Variants in CTNNA2 observed in about 807,000 individuals in gnomAD.
CTNNA2 encodes catenin alpha-2.
CTNNA2 carries 42 observed loss-of-function variants against 101.0 expected under a neutral mutation model. The ratio of observed to expected loss-of-function variants is 0.42; its 90% confidence interval spans 0.32 to 0.54. CTNNA2 has a LOEUF of 0.54. Among genes scored for constraint, CTNNA2 ranks in the 20% least tolerant of loss-of-function variants. The pLI is 0.14. For synonymous variants in CTNNA2, 450 were observed against 456.4 expected (o/e 0.99, Z 0.18); for missense variants, 871 against 1,223.1 (o/e 0.71, Z 4.29).
At chr2:79,378,141 T>G (rs1677999896) in intron 4 of CTNNA2, among the ~76,000 whole-genome samples, 1 of 152,144 alleles carries the variant, frequency 6.6e-6, no homozygotes, top group Non-Finnish European at 1.5e-5. Flanking sequence ...TGATGACTAT[T>G]GTATACATGC....
intron 1 of CTNNA2, chr2:79,523,433 C>T: frequency 1.1e-5 from 2 of 186,964 alleles, no homozygotes; most frequent in Non-Finnish European, 1.1e-5. Context: ...AACATATACA[C>T]CATTGTTTTT....
chr2:79,979,443 C>A (rs1691103007), intron 7 of CTNNA2, among the ~76,000 whole-genome samples: 1 of 152,048 alleles, frequency 6.6e-6, no homozygotes, highest in African/African-American at 2.4e-5. Context: ...TTTAGAACAT[C>A]ATTTCGGTGT....
At chr2:79,609,522 G>A (rs1678127709) in intron 1 of CTNNA2, among the ~76,000 whole-genome samples, 1 of 152,016 alleles carries the variant, frequency 6.6e-6, no homozygotes, top group African/African-American at 2.4e-5. Flanking sequence ...GTATGTTGGA[G>A]GACTAACAGT....
intron 4 of CTNNA2, among the ~76,000 whole-genome samples, chr2:79,381,327 A>C (rs569735226): frequency 2.8e-4 from 42 of 152,288 alleles, no homozygotes; most frequent in Admixed American, 9.2e-4. Context: ...CAAATCTCCT[A>C]GGTTTCAGGA....
chr2:80,060,736 A>G (rs949062864), intron 7 of CTNNA2, among the ~76,000 whole-genome samples: 4 of 152,138 alleles, frequency 2.6e-5, no homozygotes, highest in Non-Finnish European at 2.9e-5. Context: ...TCCAACAAGA[A>G]GACAGTGGAT....
chr2:79,996,183 C>G (rs763874368), intron 7 of CTNNA2, among the ~76,000 whole-genome samples: 3 of 152,166 alleles, frequency 2.0e-5, no homozygotes, highest in African/African-American at 7.2e-5. Flanking sequence ...AAGTCAGAAG[C>G]ATATGCTATA....
chr2:80,606,412 ACCCC>A (rs1553407272), intron 16 of CTNNA2, among the ~76,000 whole-genome samples: 1 of 48,652 alleles, frequency 2.1e-5, no homozygotes, highest in African/African-American at 1.2e-4. Flanking sequence ...ACACACACAC[ACCCC>A]CCAGGATACA....
chr2:79,714,612 CT>C (rs34291431), intron 2 of CTNNA2, among the ~76,000 whole-genome samples: 18,606 of 151,986 alleles, frequency 0.12, 1,551 homozygotes, highest in African/African-American at 0.24. Flanking sequence ...CAAACCATCA[CT>C]GTTAGGGGCC....
chr2:80,132,341 A>G (rs1414919469), intron 7 of CTNNA2, among the ~76,000 whole-genome samples: 1 of 152,084 alleles, frequency 6.6e-6, no homozygotes, highest in Non-Finnish European at 1.5e-5. Context: ...TAGAGACAAG[A>G]CTGGTCTCCA....
chr2:79,755,443 T>C lies in CTNNA2; in HGVS notation c.298+10861T>C, dbSNP rs561196855. Among the ~76,000 whole-genome samples, 3 of 152,330 alleles carry C rather than the reference T, an allele frequency of 2.0e-5. No individual in the cohort carries two copies. In the South Asian group the frequency reaches 6.2e-4, roughly 32 times the overall value. Reference sequence around the variant, plus strand: ...TCTATGAGTGCAGCTGAGCTAGAGATCTGATGGTGCTCCACTATGGCCATA... The same window carrying C: ...TCTATGAGTGCAGCTGAGCTAGAGACCTGATGGTGCTCCACTATGGCCATA... On this transcript the variant is annotated intron_variant, in intron 3 of 18. Coordinates refer to ENST00000402739, the MANE Select transcript of CTNNA2 (RefSeq NM_001282597.3).
intron 4 of CTNNA2, among the ~76,000 whole-genome samples, chr2:79,436,401 G>A (rs759683050): frequency 5.9e-5 from 9 of 152,122 alleles, no homozygotes; most frequent in South Asian, 2.1e-4. Context: ...GGCTGACTTC[G>A]CTTGGCTAAA....
intron 7 of CTNNA2, among the ~76,000 whole-genome samples, chr2:79,960,802 G>A (rs76646866): frequency 0.091 from 13,777 of 152,120 alleles, 839 homozygotes; most frequent in East Asian, 0.25. Context: ...TGACTGGAGC[G>A]ATAAGCAAGG....
At chr2:79,859,193 GTCCTGGGCAT>G (rs1481829648) in intron 4 of CTNNA2, among the ~76,000 whole-genome samples, 2 of 151,948 alleles carry the variant, frequency 1.3e-5, no homozygotes, top group Non-Finnish European at 2.9e-5. Flanking sequence ...TACCCCTGCT[GTCCTGGGCAT>G]TCCTGGATTA....
At chr2:80,616,989 A>G (rs977735299) in intron 17 of CTNNA2, among the ~76,000 whole-genome samples, 2 of 151,776 alleles carry the variant, frequency 1.3e-5, no homozygotes, top group African/African-American at 4.8e-5. Context: ...AGAAATGCCA[A>G]TAGACAATCT....
intron 7 of CTNNA2, among the ~76,000 whole-genome samples, chr2:80,224,412 GT>G (rs1466748278): frequency 6.6e-6 from 1 of 152,080 alleles, no homozygotes; most frequent in African/African-American, 2.4e-5. Flanking sequence ...TGTCAATTCA[GT>G]CAGTCCTCTA....
intron 8 of CTNNA2, among the ~76,000 whole-genome samples, chr2:80,404,770 T>A (rs1678909418): frequency 6.6e-6 from 1 of 152,192 alleles, no homozygotes; most frequent in Non-Finnish European, 1.5e-5. Context: ...GCTTTAAAGA[T>A]GGGAGCTAAT....
At chr2:79,975,291 T>C (rs1416636334) in intron 7 of CTNNA2, among the ~76,000 whole-genome samples, 2 of 152,168 alleles carry the variant, frequency 1.3e-5, no homozygotes, top group Admixed American at 1.3e-4. Context: ...TCACCCTTCA[T>C]GTATATGAGA....
At chr2:80,293,742 A>G (rs1675474494) in intron 7 of CTNNA2, among the ~76,000 whole-genome samples, 1 of 152,186 alleles carries the variant, frequency 6.6e-6, no homozygotes, top group Admixed American at 6.5e-5. Context: ...ATTTATGTTT[A>G]CATTCTTGGA....
intron 1 of CTNNA2, among the ~76,000 whole-genome samples, chr2:79,562,403 A>G (rs543135440): frequency 6.6e-6 from 1 of 152,052 alleles, no homozygotes; most frequent in Non-Finnish European, 1.5e-5. Context: ...TTTTTAAAAT[A>G]ATGTAGTTAG....
Sources: gnomAD v4.1 joint callset for allele counts (sites outside exome capture counted in the v4.1 genomes callset) on GRCh38, gnomAD v4.1.1 for gene constraint, MANE v1.5 for transcripts, NCBI Gene and HGNC (gene_info 2026-07-23, HGNC 2026-07-21) for gene names.